The following USP45 variants were observed in gnomAD, a reference collection of about 807,000 sequenced individuals.
USP45 encodes the protein ubiquitin specific peptidase 45.
In USP45, 89 loss-of-function variants were observed where a neutral mutation model predicts 95.8. That is an observed-to-expected ratio of 0.93 (90% CI 0.78 to 1.11). The LOEUF is 1.11. Among genes scored for constraint, USP45 ranks in the 50% least tolerant of loss-of-function variants. USP45 has a pLI of 0.00. For missense variants in USP45, 898 were observed against 942.5 expected (o/e 0.95, Z 0.62); for synonymous variants, 281 against 316.2 (o/e 0.89, Z 1.18).
In USP45 at chr6:99,477,163, T is replaced by C. The variant is rs931645532; in HGVS notation, c.846-933A>G. On this transcript the variant is annotated intron_variant, in intron 8 of 17. Coordinates refer to ENST00000500704, the MANE Select transcript of USP45 (RefSeq NM_001346022.3). ...TATTTACAACATATCTCATGTGATA[T>C]ACAAAACAGCACTGTTCAGGAATTT... Among the ~76,000 whole-genome samples, 6 of 152,360 alleles carry C rather than the reference T, an allele frequency of 3.9e-5. No homozygotes were observed. In the South Asian group the frequency reaches 1.0e-3, roughly 26 times the overall value.
intron 16 of USP45, 30 bp downstream of exon 16, chr6:99,439,739 A>C (rs138588327): frequency 1.4e-6 from 2 of 1,393,712 alleles, no homozygotes; most frequent in African/African-American, 3.0e-5. Flanking sequence ...ATTAATTTAT[A>C]AATCAATTAA....
At chr6:99,517,035 C>T (rs1421409635), upstream of USP45, among the ~76,000 whole-genome samples, 1 of 151,946 alleles carries the variant, frequency 6.6e-6, no homozygotes, top group African/African-American at 2.4e-5. Flanking sequence ...CTAGATAGAC[C>T]CTTAGCATAA....
intron 1 of USP45, among the ~76,000 whole-genome samples, chr6:99,511,884 T>TG: frequency 7.0e-6 from 1 of 142,980 alleles, no homozygotes; most frequent in South Asian, 2.2e-4. Flanking sequence ...TATATATATA[T>TG]ATACACATAG....
chr6:99,444,373 G>GT (rs1463824287), intron 14 of USP45, among the ~76,000 whole-genome samples: 2 of 152,056 alleles, frequency 1.3e-5, no homozygotes, highest in Non-Finnish European at 2.9e-5. Context: ...TTGCATATAG[G>GT]TATTTCTTCC....
chr6:99,453,874 C>G (rs1008554121), intron 13 of USP45, among the ~76,000 whole-genome samples: 1 of 152,086 alleles, frequency 6.6e-6, no homozygotes, highest in Non-Finnish European at 1.5e-5. Context: ...GCAGAAGAAT[C>G]GCCTGAACCT....
At chr6:99,490,418 G>C (rs1330506507) in intron 5 of USP45, among the ~76,000 whole-genome samples, 2 of 151,478 alleles carry the variant, frequency 1.3e-5, no homozygotes, top group African/African-American at 2.4e-5. Flanking sequence ...GACCTCAAGT[G>C]ATCCACCCAC....
intron 13 of USP45, chr6:99,462,044 C>A: frequency 1.0e-6 from 1 of 985,034 alleles, no homozygotes; most frequent in Non-Finnish European, 1.2e-6. Flanking sequence ...GAATATAGTA[C>A]CTTAAAGATG....
chr6:99,484,044 A>C (rs1424936018), intron 7 of USP45, among the ~76,000 whole-genome samples: 1 of 108,594 alleles, frequency 9.2e-6, no homozygotes, highest in African/African-American at 3.7e-5. Flanking sequence ...AGGGTTGCCC[A>C]GGCTGGTCTT....
intron 8 of USP45, 52 bp downstream of exon 8, chr6:99,482,701 C>T (rs762718201): frequency 2.6e-6 from 4 of 1,509,784 alleles, no homozygotes; most frequent in Admixed American, 2.1e-5. Context: ...ATGATGAATA[C>T]ATTAGTATTT....
At chr6:99,508,997 G>A (rs946517582) in intron 2 of USP45, among the ~76,000 whole-genome samples, 52 of 152,188 alleles carry the variant, frequency 3.4e-4, no homozygotes, top group African/African-American at 1.2e-3. Flanking sequence ...TGGTTGTAGG[G>A]AGCAATGGAC....
chr6:99,475,182 G>A (rs1583222143), intron 9 of USP45, among the ~76,000 whole-genome samples: 1 of 152,234 alleles, frequency 6.6e-6, no homozygotes. Flanking sequence ...GGTCTGCATG[G>A]AGAAAAATGA....
At chr6:99,460,867 A>C in intron 13 of USP45, 1 of 974,800 alleles carries the variant, frequency 1.0e-6, no homozygotes, top group Non-Finnish European at 1.2e-6. Flanking sequence ...GGAACACAAA[A>C]ATTATTCAAT....
chr6:99,488,242 A>G lies in USP45; in HGVS notation c.672T>C (p.Ser224=), dbSNP rs1376810827. The G allele has an allele frequency of 2.5e-6, 4 of 1,612,666 alleles. No individual in the cohort carries two copies. The highest frequency in any genetic ancestry group is 1.7e-5 in the Admixed American group (1 of 59,936). The change falls in exon 7 of 18, where the codon AGT becomes AGC. Residue 224 remains serine, a synonymous_variant. Transcript: ENST00000500704. ...LTDLMNEIKE[S]STKLKIFPSS... is the part of the protein sequence containing the mutation. Reference sequence around the variant, plus strand: ...AAGGAAAAATCTTGAGTTTTGTACTACTTTCTTTGATCTCATTCATCAGAT... The same window carrying G: ...AAGGAAAAATCTTGAGTTTTGTACTGCTTTCTTTGATCTCATTCATCAGAT...
At chr6:99,443,892 C>T (rs371646018) in intron 14 of USP45, among the ~76,000 whole-genome samples, 9 of 151,860 alleles carry the variant, frequency 5.9e-5, no homozygotes, top group East Asian at 1.9e-4. Flanking sequence ...AGAGGTAACA[C>T]GAAACAAAAT....
At chr6:99,445,307 A>AC in intron 14 of USP45, among the ~76,000 whole-genome samples, 1 of 152,070 alleles carries the variant, frequency 6.6e-6, no homozygotes, top group South Asian at 2.1e-4. Context: ...AGATGGTGAA[A>AC]CCCCATCTCT....
Position 99,506,350 on chromosome 6 carries a change from G to A in USP45, c.377+1078C>T, listed in dbSNP as rs141234252. 2.4e-3 allele frequency among the ~76,000 whole-genome samples: 358 copies of A among 152,100 alleles called. 3 individuals are homozygous for A. The highest frequency in any genetic ancestry group is 8.1e-3 in the African/African-American group (335 of 41,482). ...AACTTGTTTTTGGTTTTTTTGAAAC[G>A]GAGTGTCACTCTATCACCCAGGCTG... On this transcript the variant is annotated intron_variant, in intron 4 of 17. Transcript: ENST00000500704.
intron 5 of USP45, among the ~76,000 whole-genome samples, chr6:99,497,256 G>A (rs575572766): frequency 6.6e-6 from 1 of 152,110 alleles, no homozygotes; most frequent in South Asian, 2.1e-4. Context: ...TATGGGGAAG[G>A]GGGAGGTAGA....
chr6:99,460,720 C>T (rs2128612017), intron 13 of USP45: 2 of 913,818 alleles, frequency 2.2e-6, no homozygotes, highest in African/African-American at 1.8e-5. Flanking sequence ...TTGAAATTTT[C>T]TTAATTTCTT....
intron 13 of USP45, among the ~76,000 whole-genome samples, chr6:99,449,621 C>G (rs1783398530): frequency 6.9e-6 from 1 of 145,386 alleles, no homozygotes; most frequent in African/African-American, 2.5e-5. Context: ...TTAGACAGAT[C>G]AATGAGACAG....
Sources: allele counts gnomAD v4.1 joint callset (sites outside exome capture counted in the v4.1 genomes callset), GRCh38; gene constraint gnomAD v4.1.1; transcripts MANE v1.5; gene names NCBI Gene and HGNC (gene_info 2026-07-23, HGNC 2026-07-21).